Variants in PDE1C observed in about 807,000 individuals in gnomAD.
The protein encoded by PDE1C is dual specificity calcium/calmodulin-dependent 3',5'-cyclic nucleotide phosphodiesterase 1C.
PDE1C carries 62 observed loss-of-function variants against 93.1 expected under a neutral mutation model. The observed-to-expected ratio is 0.67, with a 90% confidence interval of 0.54 to 0.82. PDE1C has a LOEUF of 0.82. PDE1C is among the 40% of genes least tolerant of loss of function. PDE1C has a pLI of 0.00. For missense variants in PDE1C, 742 were observed against 884.6 expected (o/e 0.84, Z 2.04); for synonymous variants, 325 against 310.1 (o/e 1.05, Z -0.50).
At chr7:32,339,220 C>T (rs375493589) in intron 1 of PDE1C, among the ~76,000 whole-genome samples, 3 of 150,792 alleles carry the variant, frequency 2.0e-5, no homozygotes, top group African/African-American at 7.4e-5. Flanking sequence ...CGATTCCATA[C>T]AGTATTTAAA....
At chr7:31,795,810 G>T (rs1045420782) in intron 16 of PDE1C, among the ~76,000 whole-genome samples, 4 of 151,436 alleles carry the variant, frequency 2.6e-5, no homozygotes, top group Admixed American at 6.6e-5. Context: ...TTGGTTAATA[G>T]ATATTCCCCA....
In PDE1C at chr7:31,824,924, A is replaced by G; in HGVS notation, c.1349T>C (p.Val450Ala). The G allele has an allele frequency of 1.2e-6, 2 of 1,613,312 alleles. No individual in the cohort carries two copies. Among genetic ancestry groups the G allele is most frequent in the South Asian group, 1.1e-5 (1 of 91,038 alleles). Reference protein sequence around the residue: ...TVLTDMTEKIVSPLIDETSQT... With the variant: ...TVLTDMTEKIASPLIDETSQT... ...AGAGGTTTCATCGATTAATGGACTC[A>G]CAATCTTCTCGGTCATGTCCGTAAG... The change falls in exon 13 of 18, where the codon GTG becomes GCG. Residue 450 changes from valine to alanine, a missense_variant. Physicochemically the swap from Val to Ala is moderately conservative, Grantham distance 64. Coordinates refer to ENST00000396191, the MANE Select transcript of PDE1C (RefSeq NM_001191057.4).
chr7:32,108,093 C>T (rs1798430901), intron 3 of PDE1C, among the ~76,000 whole-genome samples: 1 of 151,102 alleles, frequency 6.6e-6, no homozygotes, highest in East Asian at 1.9e-4. Flanking sequence ...AAATGAAACA[C>T]AGAAGGGAGA....
At chr7:31,882,526 C>G (rs923769953) in intron 2 of PDE1C, among the ~76,000 whole-genome samples, 1 of 152,156 alleles carries the variant, frequency 6.6e-6, no homozygotes, top group Non-Finnish European at 1.5e-5. Context: ...AGGTGCCCAG[C>G]TATCCCCTAG....
rs1796177457 is a variant in PDE1C, at chr7:31,873,462, C to T, written c.493-54G>A. The stretch of plus-strand genomic sequence containing the variant: ...CATTAGCCCACAGACACTTACACAC[C>T]TACCAGTCTCCTCACTTTCAAGTCC... On this transcript the variant is annotated intron_variant, in intron 5 of 17. Transcript: ENST00000396191. The T allele has an allele frequency of 1.2e-5, 13 of 1,040,066 alleles. No individual in the cohort carries two copies. In the East Asian group the frequency reaches 2.7e-4, roughly 21 times the overall value. The allele number at this position is 1,040,066 out of a possible 1,614,324, so 64.4% of individuals were successfully genotyped here.
chr7:31,671,437 G>T, the PDE1C span, among the ~76,000 whole-genome samples: 1 of 152,198 alleles, frequency 6.6e-6, no homozygotes, highest in Non-Finnish European at 1.5e-5. Context: ...AGGGGTCAGG[G>T]AGATTTCCTG....
the PDE1C span, chr7:31,692,382 TA>T: frequency 3.0e-6 from 4 of 1,339,812 alleles, no homozygotes; most frequent in Non-Finnish European, 4.3e-6. Flanking sequence ...CCATACTTAT[TA>T]ACTGTTTTTT....
At chr7:31,773,667 C>T (rs1584014063) in intron 17 of PDE1C, among the ~76,000 whole-genome samples, 1 of 152,098 alleles carries the variant, frequency 6.6e-6, no homozygotes, top group South Asian at 2.1e-4. Flanking sequence ...TTAAGATGAG[C>T]CTTTTTTTCT....
At chr7:32,306,398 C>G (rs980574225) in intron 1 of PDE1C, among the ~76,000 whole-genome samples, 9 of 152,180 alleles carry the variant, frequency 5.9e-5, no homozygotes, top group African/African-American at 2.2e-4. Context: ...CATTACTCTT[C>G]CCTCTGTCTT....
At chr7:32,078,966 T>G (rs1796507204) in intron 3 of PDE1C, among the ~76,000 whole-genome samples, 1 of 152,050 alleles carries the variant, frequency 6.6e-6, no homozygotes, top group South Asian at 2.1e-4. Context: ...TTTATACTCT[T>G]GCCAATAGGG....
intron 1 of PDE1C, among the ~76,000 whole-genome samples, chr7:32,421,077 A>G (rs1382405583): frequency 1.1e-5 from 1 of 87,900 alleles, no homozygotes; most frequent in Non-Finnish European, 2.4e-5. Context: ...TAGAAGGCGG[A>G]TTAAAACTAA....
At chr7:31,763,658 T>A (rs1384528747) in intron 17 of PDE1C, among the ~76,000 whole-genome samples, 1 of 152,260 alleles carries the variant, frequency 6.6e-6, no homozygotes, top group African/African-American at 2.4e-5. Flanking sequence ...GCAGTACCCA[T>A]GTGCCATTGC....
the PDE1C span, among the ~76,000 whole-genome samples, chr7:31,699,515 C>T: frequency 1.3e-5 from 2 of 152,300 alleles, no homozygotes; most frequent in Non-Finnish European, 2.9e-5. Context: ...AGTTTGATTG[C>T]TTCCCAAGGG....
chr7:32,012,780 T>G (rs538827682), intron 2 of PDE1C, among the ~76,000 whole-genome samples: 1 of 152,336 alleles, frequency 6.6e-6, no homozygotes, highest in African/African-American at 2.4e-5. Flanking sequence ...AAGCTGATTT[T>G]AAAATATGCA....
intron 1 of PDE1C, among the ~76,000 whole-genome samples, chr7:32,066,959 G>A (rs1795476590): frequency 6.6e-6 from 1 of 152,170 alleles, no homozygotes; most frequent in African/African-American, 2.4e-5. Flanking sequence ...AGAGAAATGG[G>A]AGCATGTGCG....
At chr7:31,957,459 T>A (rs1294012806) in intron 2 of PDE1C, among the ~76,000 whole-genome samples, 3 of 152,048 alleles carry the variant, frequency 2.0e-5, no homozygotes, top group Non-Finnish European at 2.9e-5. Flanking sequence ...GGAACAAACC[T>A]CCTCACCCTC....
chr7:31,758,988 G>T (rs770615153), intron 17 of PDE1C, among the ~76,000 whole-genome samples: 80 of 152,210 alleles, frequency 5.3e-4, no homozygotes, highest in Admixed American at 1.2e-3. Flanking sequence ...TTTACCATTT[G>T]CTGGGATTCT....
chr7:31,707,558 A>C, the PDE1C span: 3 of 379,600 alleles, frequency 7.9e-6, no homozygotes, highest in Non-Finnish European at 1.4e-5. Flanking sequence ...TAACAGGGAA[A>C]GCACTGGGGT....
chr7:32,183,257 A>T (rs1349315072), intron 2 of PDE1C, among the ~76,000 whole-genome samples: 3 of 152,252 alleles, frequency 2.0e-5, no homozygotes, highest in South Asian at 2.1e-4. Flanking sequence ...TGCCATCCCC[A>T]TAAAGCTACC....
Sources: gnomAD v4.1 joint callset for allele counts (sites outside exome capture counted in the v4.1 genomes callset) on GRCh38, gnomAD v4.1.1 for gene constraint, MANE v1.5 for transcripts, NCBI Gene and HGNC (gene_info 2026-07-23, HGNC 2026-07-21) for gene names.